The following MAGI2 variants were observed in gnomAD, a reference collection of about 807,000 sequenced individuals.
The protein encoded by MAGI2 is membrane associated guanylate kinase, WW and PDZ domain containing 2.
A neutral mutation model predicts 133.3 loss-of-function variants in MAGI2; 35 were observed. That is an observed-to-expected ratio of 0.26 (90% CI 0.20 to 0.35). MAGI2 has a LOEUF of 0.35. MAGI2 is among the 10% of genes least tolerant of loss of function. The pLI is 1.00. For synonymous variants in MAGI2, 729 were observed against 710.6 expected, an observed-to-expected ratio of 1.03 and a Z score of -0.41; for missense variants, 1,636 against 1,863.4, an observed-to-expected ratio of 0.88 and a Z score of 2.25.
intron 2 of MAGI2, among the ~76,000 whole-genome samples, chr7:78,919,011 T>C (rs1400768891): frequency 6.6e-6 from 1 of 152,128 alleles, no homozygotes; most frequent in Non-Finnish European, 1.5e-5. Flanking sequence ...TCTGATGCAA[T>C]AGTTGTCCCT....
intron 9 of MAGI2, among the ~76,000 whole-genome samples, chr7:78,338,574 T>C (rs1790017334): frequency 6.6e-6 from 1 of 152,230 alleles, no homozygotes; most frequent in Non-Finnish European, 1.5e-5. Flanking sequence ...ATTTGGGATT[T>C]GCTAGTAATT....
intron 3 of MAGI2, among the ~76,000 whole-genome samples, chr7:78,573,199 TATATAAATATATATATAAATATATATAA>T (rs1801755811): frequency 2.3e-5 from 2 of 86,218 alleles, no homozygotes; most frequent in Admixed American, 3.6e-4. Context: ...TATATATATA[TATATAAATATATATATAAATATATATAA>T]ATATAAATAT....
chr7:78,853,895 C>T (rs571376), intron 2 of MAGI2, among the ~76,000 whole-genome samples: 106,225 of 151,516 alleles, frequency 0.7, 37,715 homozygotes, highest in Middle Eastern at 0.79. Context: ...CCCTGCAATG[C>T]CATGGCAAGA....
intron 1 of MAGI2, among the ~76,000 whole-genome samples, chr7:79,049,676 ATT>A (rs1299250195): frequency 6.6e-6 from 1 of 151,746 alleles, no homozygotes; most frequent in Non-Finnish European, 1.5e-5. Context: ...CGGCCTTGTT[ATT>A]TTTATGTTTT....
rs143002881 is a variant in MAGI2 at position 79,217,241 on chromosome 7, G to C, written c.302-210035C>G. Among the ~76,000 whole-genome samples, 4 of 151,952 alleles carry C rather than the reference G, an allele frequency of 2.6e-5. No individual in the cohort carries two copies. In the East Asian group the frequency reaches 5.8e-4, roughly 22 times the overall value. On this transcript the variant is annotated intron_variant, in intron 1 of 21. Coordinates refer to ENST00000354212, the MANE Select transcript of MAGI2 (RefSeq NM_012301.4). ...AAGGATAGAAAGATCAAATATTCTC[G>C]GAGTTTAATTTGTATATAATAGCAA...
At chr7:78,323,270 T>C (rs1788205426) in intron 9 of MAGI2, among the ~76,000 whole-genome samples, 1 of 152,176 alleles carries the variant, frequency 6.6e-6, no homozygotes, top group South Asian at 2.1e-4. Context: ...TATCTTTCTG[T>C]GATTAATTTT....
At chr7:78,523,724 A>G (rs187017812) in intron 3 of MAGI2, among the ~76,000 whole-genome samples, 6 of 152,206 alleles carry the variant, frequency 3.9e-5, no homozygotes, top group Non-Finnish European at 7.4e-5. Context: ...ACTCACCACT[A>G]TCACCAGAAC....
rs184017246 is a variant in MAGI2, at chr7:78,623,649, G to A, written c.538+3471C>T. Among the ~76,000 whole-genome samples the A allele has an allele frequency of 3.3e-3, 500 of 152,072 alleles. 4 individuals carry two copies. The highest frequency in any genetic ancestry group is 5.5e-3 in the Non-Finnish European group (376 of 67,976). On this transcript the variant is annotated intron_variant, in intron 3 of 21. Transcript: ENST00000354212. Reference sequence around the variant, plus strand: ...CAAGAAGCAATTAAACATCTCAGCCGCAATTTAGGCAAATGTCTCCACCTA... The same window carrying A: ...CAAGAAGCAATTAAACATCTCAGCCACAATTTAGGCAAATGTCTCCACCTA...
At chr7:78,840,663 G>C (rs1011587259) in intron 2 of MAGI2, among the ~76,000 whole-genome samples, 3 of 151,894 alleles carry the variant, frequency 2.0e-5, no homozygotes, top group Non-Finnish European at 2.9e-5. Flanking sequence ...TTTTTGTCTT[G>C]GGGGCTCTGT....
chr7:78,198,915 A>G lies in MAGI2; in HGVS notation c.2079+2247T>C, dbSNP rs115396168. 9.4e-3 allele frequency among the ~76,000 whole-genome samples: 1,436 copies of G among 152,288 alleles called. 29 individuals carry two copies. Among genetic ancestry groups the G allele is most frequent in the African/African-American group, 0.033 (1,366 of 41,552 alleles). The stretch of plus-strand genomic sequence containing the variant: ...GAATGAGAACTCACTATTTTAGCAT[A>G]TTACTTGTTCAACAGGAAGTGACTA... On this transcript the variant is annotated intron_variant, in intron 11 of 21. Transcript: ENST00000354212.
chr7:78,019,236 ATAAAT>A lies in MAGI2; in HGVS notation c.*74_*78del, dbSNP rs1417162307. 12 of 1,508,586 alleles carry A rather than the reference ATAAAT, an allele frequency of 8.0e-6. No individual in the cohort carries two copies. In the African/African-American group the frequency reaches 1.3e-4, roughly 16 times the overall value. 93.5% of individuals were successfully genotyped at this position (1,508,586 alleles called of 1,614,324 possible). A position where few individuals can be genotyped will look rare whatever the true frequency, so the allele number is the denominator to read the frequency against. On this transcript the variant is annotated 3_prime_UTR_variant, in exon 22 of 22. Coordinates refer to ENST00000354212, the MANE Select transcript of MAGI2 (RefSeq NM_012301.4). ...TGGATCTATGCGTGTGACAGTGAAAATAAATTAAAACGCCGTGAGACGGAACCTAA... is the reference window on the plus strand; with the variant it reads ...TGGATCTATGCGTGTGACAGTGAAAATAAAACGCCGTGAGACGGAACCTAA...
chr7:78,908,470 C>T (rs1798146044), intron 2 of MAGI2, among the ~76,000 whole-genome samples: 1 of 152,126 alleles, frequency 6.6e-6, no homozygotes, highest in African/African-American at 2.4e-5. Context: ...ACGAGTCAGG[C>T]TTCAGGATCC....
At chr7:78,271,704 T>C (rs1281656670) in intron 9 of MAGI2, among the ~76,000 whole-genome samples, 1 of 152,202 alleles carries the variant, frequency 6.6e-6, no homozygotes, top group Non-Finnish European at 1.5e-5. Flanking sequence ...TGTCCAGGAA[T>C]TTATCCATTT....
intron 18 of MAGI2, 40 bp downstream of exon 18, chr7:78,132,849 T>C: frequency 6.2e-7 from 1 of 1,613,978 alleles, no homozygotes; most frequent in Non-Finnish European, 8.5e-7. Flanking sequence ...TTCCCCACCC[T>C]ATCACCTCTC....
At chr7:79,068,894 C>G (rs1449597990) in intron 1 of MAGI2, among the ~76,000 whole-genome samples, 1 of 152,050 alleles carries the variant, frequency 6.6e-6, no homozygotes, top group Non-Finnish European at 1.5e-5. Context: ...TGTAGATGTG[C>G]AGTTTTGAGT....
At chr7:78,166,804 C>T (rs1825664170) in intron 15 of MAGI2, among the ~76,000 whole-genome samples, 1 of 152,110 alleles carries the variant, frequency 6.6e-6, no homozygotes, top group Non-Finnish European at 1.5e-5. Context: ...TCTGGCCTAA[C>T]ATCTTCTAAT....
intron 2 of MAGI2, among the ~76,000 whole-genome samples, chr7:78,677,966 G>A (rs1815234043): frequency 6.6e-6 from 1 of 152,092 alleles, no homozygotes; most frequent in African/African-American, 2.4e-5. Context: ...CTAGTCACGG[G>A]CAAGTGTGGG....
intron 2 of MAGI2, among the ~76,000 whole-genome samples, chr7:78,824,622 G>T (rs1462374058): frequency 1.3e-5 from 2 of 151,582 alleles, no homozygotes; most frequent in Non-Finnish European, 2.9e-5. Flanking sequence ...TGATGGGGTT[G>T]TTTTTTTTCT....
At chr7:79,353,299 C>T (rs1429069477) in intron 1 of MAGI2, 1 of 367,138 alleles carries the variant, frequency 2.7e-6, no homozygotes, top group East Asian at 7.4e-5. Flanking sequence ...ACACCCTGAA[C>T]ACATTCACGA....
Sources: gnomAD v4.1 joint callset for allele counts (sites outside exome capture counted in the v4.1 genomes callset) on GRCh38, gnomAD v4.1.1 for gene constraint, MANE v1.5 for transcripts, NCBI Gene and HGNC (gene_info 2026-07-23, HGNC 2026-07-21) for gene names.